The following COL11A1 variants were observed in gnomAD, a reference collection of about 807,000 sequenced individuals.
COL11A1 encodes the protein collagen type XI alpha 1 chain, also known as collagen alpha-1(XI) chain.
COL11A1 carries 74 observed loss-of-function variants against 265.2 expected under a neutral mutation model. The ratio of observed to expected loss-of-function variants is 0.28; its 90% CI spans 0.23 to 0.34. The LOEUF (loss-of-function observed/expected upper bound fraction) is 0.34. Among genes scored for constraint, COL11A1 ranks in the 10% least tolerant of loss-of-function variants. The probability of loss-of-function intolerance (pLI) is 1.00; values close to 1 mark genes in which losing one functional copy is unlikely to be tolerated. For synonymous variants in COL11A1, 816 were observed against 727.6 expected (o/e 1.12, Z -1.96); for missense variants, 2,165 against 2,263.6 (o/e 0.96, Z 0.88).
At chr1:103,003,921 G>A (rs545355018) in intron 20 of COL11A1, among the ~76,000 whole-genome samples, 18 of 152,050 alleles carry the variant, frequency 1.2e-4, no homozygotes, top group Non-Finnish European at 2.2e-4. Context: ...AAAATGTGGC[G>A]CAAGGTAGAA....
In COL11A1 at chr1:103,029,184, T is replaced by C. The variant is rs145343910; in HGVS notation, c.780+1932A>G. On this transcript the variant is annotated intron_variant, in intron 5 of 66. Transcript: ENST00000370096. ...TATAAGCTGAAAAAAGCATATCGGT[T>C]GACTTATAAAATAAATTGACATATT... 2.6e-5 allele frequency among the ~76,000 whole-genome samples: 4 copies of C among 152,166 alleles called. No individual in the cohort carries two copies. The East Asian group carries it at 7.7e-4, about 29-fold the overall frequency.
intron 4 of COL11A1, among the ~76,000 whole-genome samples, chr1:103,036,541 T>C (rs1354048161): frequency 1.3e-5 from 2 of 151,472 alleles, no homozygotes. Context: ...AAATTCTTAT[T>C]TCAGGTGTTT....
intron 4 of COL11A1, among the ~76,000 whole-genome samples, chr1:103,045,930 T>C (rs1368890427): frequency 6.6e-6 from 1 of 151,930 alleles, no homozygotes; most frequent in East Asian, 1.9e-4. Flanking sequence ...TCCATGTCCC[T>C]ACAAAGGACA....
At chr1:103,065,483 A>G (rs115231708) in intron 4 of COL11A1, among the ~76,000 whole-genome samples, 19,693 of 143,102 alleles carry the variant, frequency 0.14, 1,496 homozygotes, top group Admixed American at 0.16. Flanking sequence ...TCGCGCCACT[A>G]CACTCCAGCC....
At chr1:102,892,177 A>C (rs886861653) in intron 57 of COL11A1, among the ~76,000 whole-genome samples, 1 of 152,198 alleles carries the variant, frequency 6.6e-6, no homozygotes, top group Non-Finnish European at 1.5e-5. Context: ...TCTATGAATT[A>C]GAATTATTTT....
At position 102,886,964 on chromosome 1, in the gene COL11A1, A is replaced by G. The variant is rs138691968; in HGVS notation, c.4701T>C (p.Asp1567=). ...HTEGMQADAD[D]NILDYSDGME... ...TTCCATCCGAGTAATCAAGAATATT[A>G]TCATCTGCATCTGCTTGCATGCCTT... The change falls in exon 63 of 67, where the codon GAT becomes GAC. Residue 1567 remains aspartate, a synonymous_variant. Transcript: ENST00000370096. 1.6e-4 allele frequency: 262 copies of G among 1,613,958 alleles called. 1 individual carries two copies. The African/African-American group carries it at 3.4e-3, about 21-fold the overall frequency.
At chr1:102,886,759 A>G (rs1345651811) in intron 63 of COL11A1, 48 bp downstream of exon 63, 6 of 1,613,034 alleles carry the variant, frequency 3.7e-6, no homozygotes, top group Middle Eastern at 1.7e-4. Flanking sequence ...TGCACCTCAG[A>G]AACTCAGGGG....
At chr1:103,006,958 C>T (rs1665684969) in intron 15 of COL11A1, among the ~76,000 whole-genome samples, 1 of 152,104 alleles carries the variant, frequency 6.6e-6, no homozygotes. Flanking sequence ...CTATCCATTC[C>T]ATTTCTCTTC....
At chr1:102,985,606 TA>T (rs1379892516) in intron 30 of COL11A1, among the ~76,000 whole-genome samples, 1 of 152,190 alleles carries the variant, frequency 6.6e-6, no homozygotes, top group African/African-American at 2.4e-5. Flanking sequence ...AGAGTCATTT[TA>T]AAATAAATTC....
chr1:102,965,640 C>T (rs1661334977), intron 37 of COL11A1, 100 bp from the exon 38 acceptor site: 2 of 848,136 alleles, frequency 2.4e-6, no homozygotes, highest in Admixed American at 4.3e-5. Flanking sequence ...AAGAAAGTCA[C>T]CTATTGACTA....
intron 4 of COL11A1, among the ~76,000 whole-genome samples, chr1:103,065,575 A>AAC (rs200524470): frequency 0.014 from 1,724 of 124,418 alleles, 34 homozygotes; most frequent in African/African-American, 0.055. Flanking sequence ...CAAACAAACA[A>AAC]AAAAAATAGC....
chr1:102,923,849 C>T (rs776763708), intron 46 of COL11A1, among the ~76,000 whole-genome samples: 3 of 151,906 alleles, frequency 2.0e-5, no homozygotes, highest in Non-Finnish European at 4.4e-5. Context: ...AATTTTTGAC[C>T]TGTTAATTCA....
chr1:103,067,540 G>A (rs72685213), intron 4 of COL11A1, among the ~76,000 whole-genome samples: 15,698 of 151,676 alleles, frequency 0.1, 911 homozygotes, highest in Non-Finnish European at 0.11. Context: ...AGCAAATCTC[G>A]AAGTAATAAC....
chr1:103,021,045 C>G (rs1028054453), intron 9 of COL11A1, among the ~76,000 whole-genome samples: 15 of 148,444 alleles, frequency 1.0e-4, no homozygotes, highest in African/African-American at 3.7e-4. Context: ...TATGTCCTTA[C>G]AATTTCTGAA....
chr1:102,878,302 T>C, intron 66 of COL11A1, 137 bp from the exon 67 acceptor site: 1 of 698,984 alleles, frequency 1.4e-6, no homozygotes, highest in South Asian at 2.0e-5. Context: ...CTATTATCTA[T>C]GTAATAATTC....
At chr1:102,998,165 A>C (rs2101806796) in intron 25 of COL11A1, 145 bp downstream of exon 25, 1 of 698,234 alleles carries the variant, frequency 1.4e-6, no homozygotes, top group Non-Finnish European at 2.4e-6. Context: ...GATATGATGA[A>C]AGGTATTTTA....
intron 41 of COL11A1, among the ~76,000 whole-genome samples, chr1:102,949,580 A>G (rs1191205628): frequency 6.6e-6 from 1 of 152,228 alleles, no homozygotes; most frequent in Non-Finnish European, 1.5e-5. Context: ...ACTTACAATT[A>G]TTATACCTAC....
intron 4 of COL11A1, among the ~76,000 whole-genome samples, chr1:103,065,388 C>T (rs929346868): frequency 3.3e-5 from 5 of 151,700 alleles, no homozygotes; most frequent in Middle Eastern, 3.2e-3. Context: ...GGCGTGTTGG[C>T]AGGCGCCTGT....
At chr1:102,987,521 TA>T in intron 30 of COL11A1, 111 bp downstream of exon 30, 2 of 817,506 alleles carry the variant, frequency 2.4e-6, no homozygotes, top group South Asian at 2.8e-5. Context: ...TGAAACATTT[TA>T]TCTTTAATGT....
Sources: allele counts gnomAD v4.1 joint callset (sites outside exome capture counted in the v4.1 genomes callset), GRCh38; gene constraint gnomAD v4.1.1; transcripts MANE v1.5; gene names NCBI Gene and HGNC (gene_info 2026-07-23, HGNC 2026-07-21).